CSGALNACT1: variants seen among roughly 807,000 people sequenced by gnomAD.
The protein encoded by CSGALNACT1 is chondroitin sulfate N-acetylgalactosaminyltransferase 1.
A neutral mutation model predicts 51.0 loss-of-function variants in CSGALNACT1; 52 were observed. The observed-to-expected ratio is 1.02, with a 90% CI of 0.82 to 1.29. CSGALNACT1 has a LOEUF of 1.29. CSGALNACT1 is among the 50% of genes most tolerant of loss of function. The pLI is 0.00. For missense variants in CSGALNACT1, 935 were observed against 679.2 expected (o/e 1.38, Z -4.19); for synonymous variants, 341 against 254.4 (o/e 1.34, Z -3.24).
chr8:19,592,101 A>T (rs1455666122), intron 2 of CSGALNACT1, among the ~76,000 whole-genome samples: 1 of 152,234 alleles, frequency 6.6e-6, no homozygotes, highest in African/African-American at 2.4e-5. Flanking sequence ...ACATTTTCAC[A>T]AAAGACAAAG....
upstream of CSGALNACT1, among the ~76,000 whole-genome samples, chr8:19,604,745 T>C (rs867236592): frequency 2.3e-5 from 3 of 130,334 alleles, no homozygotes; most frequent in Non-Finnish European, 3.2e-5. Flanking sequence ...GTCTCTACTT[T>C]AAAAAAAAAA....
intron 1 of CSGALNACT1, among the ~76,000 whole-genome samples, chr8:19,656,513 A>C (rs1437994289): frequency 3.9e-5 from 6 of 151,948 alleles, no homozygotes; most frequent in Non-Finnish European, 8.8e-5. Context: ...AATATTCAGG[A>C]AACTGAATTT....
intron 1 of CSGALNACT1, among the ~76,000 whole-genome samples, chr8:19,698,070 G>A (rs1409971657): frequency 6.6e-6 from 1 of 152,102 alleles, no homozygotes; most frequent in Non-Finnish European, 1.5e-5. Flanking sequence ...CTCCACTGCG[G>A]GGGCTGAAGA....
chr8:19,689,165 T>C lies in CSGALNACT1; in HGVS notation c.-297+68685A>G, dbSNP rs2061147217. Among the ~76,000 whole-genome samples the C allele has an allele frequency of 2.0e-5, 3 of 152,208 alleles. No homozygotes were observed. The South Asian group carries it at 6.2e-4, about 32-fold the overall frequency. ...AAGGAGTACAGCACAGCAGTAGCGATGCCATGTGCCTTCCAAGACGATGTC... is the reference window on the plus strand; with the variant it reads ...AAGGAGTACAGCACAGCAGTAGCGACGCCATGTGCCTTCCAAGACGATGTC... On this transcript the variant is annotated intron_variant, in intron 1 of 1. Transcript: ENST00000517494.
intron 3 of CSGALNACT1, among the ~76,000 whole-genome samples, chr8:19,541,267 T>A (rs1405660182): frequency 1.3e-5 from 2 of 148,694 alleles, no homozygotes; most frequent in Non-Finnish European, 3.0e-5. Context: ...TTTTTTTTTT[T>A]TGAGACGGAG....
intron 1 of CSGALNACT1, among the ~76,000 whole-genome samples, chr8:19,704,879 G>A (rs1193813863): frequency 6.6e-6 from 1 of 152,154 alleles, no homozygotes; most frequent in Non-Finnish European, 1.5e-5. Flanking sequence ...ATTTCAATAT[G>A]GAAGTTTTAA....
At chr8:19,647,071 C>T (rs1196105547) in intron 1 of CSGALNACT1, among the ~76,000 whole-genome samples, 6 of 151,994 alleles carry the variant, frequency 3.9e-5, no homozygotes, top group African/African-American at 1.2e-4. Context: ...ATAAGAAGCC[C>T]GCTTAAGTGC....
intron 4 of CSGALNACT1, among the ~76,000 whole-genome samples, chr8:19,485,232 A>G (rs950527861): frequency 5.3e-5 from 8 of 152,116 alleles, no homozygotes; most frequent in Admixed American, 5.2e-4. Flanking sequence ...GTCAATCACA[A>G]CACACTCTTG....
At chr8:19,495,753 C>G (rs1019766139) in intron 4 of CSGALNACT1, among the ~76,000 whole-genome samples, 1 of 152,168 alleles carries the variant, frequency 6.6e-6, no homozygotes, top group Admixed American at 6.5e-5. Context: ...AAAGTCTTGG[C>G]TTTATTTCTG....
At chr8:19,641,990 G>A (rs1156939591) in intron 1 of CSGALNACT1, 4 of 152,108 alleles carry the variant, frequency 2.6e-5, no homozygotes, top group Admixed American at 1.3e-4. Flanking sequence ...CTCTTCCTTG[G>A]GAGATATTTG....
chr8:19,699,308 A>C (rs1424997639), intron 1 of CSGALNACT1, among the ~76,000 whole-genome samples: 1 of 152,268 alleles, frequency 6.6e-6, no homozygotes, highest in African/African-American at 2.4e-5. Flanking sequence ...AAAGAATTGA[A>C]AGCAGGATCT....
At chr8:19,648,117 C>A (rs2057443187) in intron 1 of CSGALNACT1, among the ~76,000 whole-genome samples, 1 of 152,150 alleles carries the variant, frequency 6.6e-6, no homozygotes, top group Non-Finnish European at 1.5e-5. Context: ...CAATGTGTTA[C>A]ATATTATACA....
At chr8:19,560,539 C>A (rs1402805958) in intron 3 of CSGALNACT1, among the ~76,000 whole-genome samples, 1 of 152,118 alleles carries the variant, frequency 6.6e-6, no homozygotes, top group Non-Finnish European at 1.5e-5. Flanking sequence ...GCAAACAATT[C>A]AATAGATACA....
intron 9 of CSGALNACT1, among the ~76,000 whole-genome samples, chr8:19,407,379 G>C (rs2054444081): frequency 6.6e-6 from 1 of 152,096 alleles, no homozygotes; most frequent in Non-Finnish European, 1.5e-5. Flanking sequence ...GGGGAGCCTG[G>C]GGATGGGACG....
chr8:19,528,299 C>G (rs1427209833), intron 3 of CSGALNACT1, among the ~76,000 whole-genome samples: 1 of 152,098 alleles, frequency 6.6e-6, no homozygotes, highest in Middle Eastern at 3.4e-3. Flanking sequence ...AAGCAAGCAG[C>G]CCTTGATATT....
intron 4 of CSGALNACT1, among the ~76,000 whole-genome samples, chr8:19,490,122 G>T (rs910493054): frequency 2.0e-5 from 3 of 152,134 alleles, no homozygotes; most frequent in African/African-American, 7.2e-5. Flanking sequence ...AGCCAATCCT[G>T]ATCAATAGCC....
intron 3 of CSGALNACT1, among the ~76,000 whole-genome samples, chr8:19,528,432 T>C (rs1033473645): frequency 7.2e-5 from 11 of 152,098 alleles, no homozygotes; most frequent in Admixed American, 4.6e-4. Flanking sequence ...CTCCATAATT[T>C]TGTCTAAACA....
At chr8:19,595,932 C>T (rs1470731973) in intron 2 of CSGALNACT1, among the ~76,000 whole-genome samples, 3 of 149,770 alleles carry the variant, frequency 2.0e-5, no homozygotes, top group African/African-American at 7.4e-5. Context: ...GATGTGATCT[C>T]AGCTCACTAC....
chr8:19,436,016 G>T (rs77884008), intron 6 of CSGALNACT1, among the ~76,000 whole-genome samples: 5,452 of 152,092 alleles, frequency 0.036, 325 homozygotes, highest in African/African-American at 0.12. Context: ...CCACAAAATC[G>T]ATTTCACAAC....
Sources: gnomAD v4.1 joint callset for allele counts (sites outside exome capture counted in the v4.1 genomes callset) on GRCh38, gnomAD v4.1.1 for gene constraint, MANE v1.5 for transcripts, NCBI Gene and HGNC (gene_info 2026-07-23, HGNC 2026-07-21) for gene names.